The following ZNF365 variants were observed in gnomAD, a reference collection of about 807,000 sequenced individuals.
ZNF365 encodes the protein zinc finger protein 365.
Under a neutral mutation model 35.0 loss-of-function variants are expected in ZNF365, and 22 were observed. The observed-to-expected ratio is 0.63, with a 90% CI of 0.45 to 0.90. The LOEUF (loss-of-function observed/expected upper bound fraction) is 0.90, where lower values mean the gene tolerates loss of function less well. ZNF365 is among the 40% of genes least tolerant of loss of function. ZNF365 has a pLI of 0.00. For synonymous variants in ZNF365, 188 were observed against 196.2 expected (o/e 0.96, Z 0.35); for missense variants, 448 against 500.3 (o/e 0.90, Z 1.00).
chr10:62,440,172 TTTTATTTA>T (rs148188582), intron 3 of ZNF365, among the ~76,000 whole-genome samples: 20 of 150,628 alleles, frequency 1.3e-4, no homozygotes, highest in South Asian at 2.1e-4. Context: ...GAATGCATAG[TTTTATTTA>T]TTTATTTATT....
At chr10:62,383,053 G>C (rs938577432) in intron 2 of ZNF365, among the ~76,000 whole-genome samples, 2 of 152,148 alleles carry the variant, frequency 1.3e-5, no homozygotes, top group African/African-American at 4.8e-5. Context: ...TTACTCATTG[G>C]TTTTATGCCC....
At chr10:62,394,698 CATT>C in intron 3 of ZNF365, among the ~76,000 whole-genome samples, 1 of 152,270 alleles carries the variant, frequency 6.6e-6, no homozygotes, top group Admixed American at 6.5e-5. Context: ...GATGCCAAAA[CATT>C]ATTTCAGCAA....
At chr10:62,435,356 C>T (rs549654541) in intron 3 of ZNF365, among the ~76,000 whole-genome samples, 1 of 152,118 alleles carries the variant, frequency 6.6e-6, no homozygotes, top group African/African-American at 2.4e-5. Context: ...CTGAATAATA[C>T]TCCCAAGAAG....
Position 62,402,449 on chromosome 10 carries a change from A to G in ZNF365, c.*2660A>G, listed in dbSNP as rs1839844473. ...TGATAATAAAGCTATATTTCTGACT[A>G]ATGTGTTGATATGTTTTGTCTAGTT... On this transcript the variant is annotated 3_prime_UTR_variant, in exon 5 of 5. Transcript: ENST00000395254. The G allele has an allele frequency of 1.0e-6, 1 of 985,046 alleles. No individual in the cohort carries two copies. The highest frequency in any genetic ancestry group is 1.2e-6 in the Non-Finnish European group (1 of 829,612). 61.0% of individuals were successfully genotyped at this position (985,046 alleles called of 1,614,324 possible). A position where few individuals can be genotyped will look rare whatever the true frequency, so the allele number is the denominator to read the frequency against.
chr10:62,402,485 T>C (rs1383734053), downstream of ZNF365: 1 of 984,386 alleles, frequency 1.0e-6, no homozygotes, highest in Non-Finnish European at 1.2e-6. Context: ...GGAGTGTTTT[T>C]TGGGGAGCCA....
chr10:62,414,936 C>T (rs565624053), intron 3 of ZNF365, among the ~76,000 whole-genome samples: 2 of 152,236 alleles, frequency 1.3e-5, no homozygotes, highest in Non-Finnish European at 2.9e-5. Context: ...GACCATTCTT[C>T]TGGTTTATTA....
intron 3 of ZNF365, among the ~76,000 whole-genome samples, chr10:62,395,633 A>T (rs751171594): frequency 4.6e-5 from 7 of 150,620 alleles, no homozygotes; most frequent in Non-Finnish European, 7.4e-5. Context: ...CTGGGATTGC[A>T]GGTGTGAGCC....
chr10:62,419,348 C>A (rs1840129687), intron 3 of ZNF365, among the ~76,000 whole-genome samples: 1 of 151,972 alleles, frequency 6.6e-6, no homozygotes, highest in Non-Finnish European at 1.5e-5. Context: ...ATTTATCAAT[C>A]TAAAAGGAAG....
At position 62,466,758 on chromosome 10, in the gene ZNF365, CAG is replaced by C. The variant is rs372786185; in HGVS notation, c.981+6962_981+6963del. 7.5e-3 allele frequency among the ~76,000 whole-genome samples: 1,136 copies of C among 151,998 alleles called. 19 individuals are homozygous for C. Among genetic ancestry groups the C allele is most frequent in the African/African-American group, 0.026 (1,058 of 41,428 alleles). On this transcript the variant is annotated intron_variant, in intron 4 of 4. Coordinates refer to the ZNF365 transcript ENST00000395255. Reference sequence around the variant, plus strand: ...ACTTTTGCCTAACCAGAGCATTCAACAGGTTACTTGAAATGCTAACCTTATAA... The same window carrying C: ...ACTTTTGCCTAACCAGAGCATTCAACGTTACTTGAAATGCTAACCTTATAA...
chr10:62,472,330 G>T lies in ZNF365; in HGVS notation c.982-7546G>T, dbSNP rs891381081. The stretch of plus-strand genomic sequence containing the variant: ...GCGTTCCAATATCTTTCTGTAATCA[G>T]TTGAATTGTGACCCACTCCCAATTC... On this transcript the variant is annotated intron_variant, in intron 4 of 4. Coordinates refer to the ZNF365 transcript ENST00000395255. 1.3e-5 allele frequency among the ~76,000 whole-genome samples: 2 copies of T among 152,214 alleles called. 1 individual carries two copies. The highest frequency in any genetic ancestry group is 4.1e-4 in the South Asian group (2 of 4,828).
chr10:62,389,311 T>A lies in ZNF365; in HGVS notation c.924+735T>A, dbSNP rs147462766. On this transcript the variant is annotated intron_variant, in intron 3 of 4. Transcript: ENST00000395254. ...GGTGGGTGGTCATATTTGCCCTGTC[T>A]ACGGTTTCCTACAACAAAACCAAGG... Among the ~76,000 whole-genome samples the A allele has an allele frequency of 1.0e-3, 158 of 152,168 alleles. 1 individual carries two copies. The highest frequency in any genetic ancestry group is 3.6e-3 in the African/African-American group (150 of 41,502).
intron 4 of ZNF365, among the ~76,000 whole-genome samples, chr10:62,463,319 A>T (rs1840879013): frequency 6.6e-6 from 1 of 152,208 alleles, no homozygotes; most frequent in Non-Finnish European, 1.5e-5. Context: ...TACTTAATGC[A>T]CAACTTAAGC....
At chr10:62,463,135 C>G (rs1296413909) in intron 4 of ZNF365, among the ~76,000 whole-genome samples, 1 of 152,200 alleles carries the variant, frequency 6.6e-6, no homozygotes, top group Non-Finnish European at 1.5e-5. Flanking sequence ...AACAGCTTCA[C>G]TCTTAAAAAT....
At chr10:62,404,031 T>A (rs1018439992), downstream of ZNF365, among the ~76,000 whole-genome samples, 1 of 152,202 alleles carries the variant, frequency 6.6e-6, no homozygotes, top group African/African-American at 2.4e-5. Context: ...ATGTTCTGGG[T>A]CAGAACACAA....
At position 62,400,098 on chromosome 10, in the gene ZNF365, T is replaced by A; in HGVS notation, c.*309T>A. ...AGTAATCTTGGCATCTGGGCTTCTA[T>A]GCAGTGGTCACTAATTTTCAGGACC... is the stretch of plus-strand genomic sequence containing the variant. On this transcript the variant is annotated 3_prime_UTR_variant, in exon 5 of 5. Transcript: ENST00000395254. The A allele has an allele frequency of 9.1e-7, 1 of 1,093,526 alleles. No homozygotes were observed. Among genetic ancestry groups the A allele is most frequent in the Non-Finnish European group, 1.1e-6 (1 of 897,708 alleles). 67.7% of individuals were successfully genotyped at this position (1,093,526 alleles called of 1,614,324 possible).
At chr10:62,448,677 A>AAGTC (rs1011763798) in intron 3 of ZNF365, among the ~76,000 whole-genome samples, 22 of 152,148 alleles carry the variant, frequency 1.4e-4, no homozygotes, top group African/African-American at 5.3e-4. Context: ...GGGCTTACGA[A>AAGTC]AGTCTAAGAT....
At chr10:62,431,366 CAG>C (rs1840330890) in intron 3 of ZNF365, among the ~76,000 whole-genome samples, 1 of 152,198 alleles carries the variant, frequency 6.6e-6, no homozygotes, top group Admixed American at 6.5e-5. Flanking sequence ...CAAACTCACA[CAG>C]AATCATCCTA....
intron 3 of ZNF365, among the ~76,000 whole-genome samples, chr10:62,431,658 G>A (rs1407969801): frequency 1.3e-5 from 2 of 152,140 alleles, no homozygotes; most frequent in Non-Finnish European, 2.9e-5. Context: ...CTAGGCAAAA[G>A]GGTTTGCACA....
chr10:62,439,309 A>G (rs1317381531), intron 3 of ZNF365, among the ~76,000 whole-genome samples: 1 of 151,474 alleles, frequency 6.6e-6, no homozygotes, highest in East Asian at 1.9e-4. Context: ...CATTGTGTTT[A>G]TTCCAGAAGC....
Sources: allele counts gnomAD v4.1 joint callset (sites outside exome capture counted in the v4.1 genomes callset), GRCh38; gene constraint gnomAD v4.1.1; transcripts MANE v1.5; gene names NCBI Gene and HGNC (gene_info 2026-07-23, HGNC 2026-07-21).